Variants in NEGR1 observed in about 807,000 individuals in gnomAD.
The protein encoded by NEGR1 is neuronal growth regulator 1, also known as IgLON family member 4.
A neutral mutation model predicts 40.9 loss-of-function variants in NEGR1; 10 were observed. That is an observed-to-expected ratio of 0.24 (90% CI 0.15 to 0.42). The LOEUF (loss-of-function observed/expected upper bound fraction) is 0.42, where lower values mean the gene tolerates loss of function less well. Among genes scored for constraint, NEGR1 ranks in the 10% least tolerant of loss-of-function variants. The probability of loss-of-function intolerance (pLI) is 1.00; values close to 1 mark genes in which losing one functional copy is unlikely to be tolerated. For missense variants in NEGR1, 352 were observed against 438.9 expected (o/e 0.80, Z 1.77); for synonymous variants, 185 against 166.8 (o/e 1.11, Z -0.84).
At chr1:71,788,675 G>A (rs1656998755) in intron 2 of NEGR1, among the ~76,000 whole-genome samples, 1 of 150,986 alleles carries the variant, frequency 6.6e-6, no homozygotes, top group Non-Finnish European at 1.5e-5. Flanking sequence ...TTGAATACAA[G>A]CATGTGTGTG....
At chr1:71,781,860 T>G (rs1656728899) in intron 2 of NEGR1, among the ~76,000 whole-genome samples, 1 of 152,102 alleles carries the variant, frequency 6.6e-6, no homozygotes, top group South Asian at 2.1e-4. Context: ...AAATAAGAAG[T>G]AAAATAAAAG....
chr1:71,934,648 C>A (rs971429974), intron 2 of NEGR1, among the ~76,000 whole-genome samples: 4 of 151,970 alleles, frequency 2.6e-5, no homozygotes, highest in African/African-American at 9.7e-5. Flanking sequence ...ATCATGGGCT[C>A]CCAAAGATTT....
At chr1:72,155,971 G>A (rs142527872) in intron 1 of NEGR1, among the ~76,000 whole-genome samples, 3 of 152,164 alleles carry the variant, frequency 2.0e-5, no homozygotes, top group African/African-American at 7.2e-5. Context: ...GAAACAGGGT[G>A]GTCTGCAACA....
At chr1:71,638,174 AG>A (rs1345947655) in intron 4 of NEGR1, among the ~76,000 whole-genome samples, 3 of 151,972 alleles carry the variant, frequency 2.0e-5, no homozygotes, top group African/African-American at 7.2e-5. Context: ...TTAATCTTAG[AG>A]AAAATATTAT....
At chr1:72,134,207 T>A (rs1276379887) in intron 1 of NEGR1, among the ~76,000 whole-genome samples, 1 of 151,346 alleles carries the variant, frequency 6.6e-6, no homozygotes, top group Non-Finnish European at 1.5e-5. Context: ...AATACGTTTT[T>A]TTTTTCTTTT....
intron 1 of NEGR1, among the ~76,000 whole-genome samples, chr1:72,016,843 T>A (rs987096536): frequency 3.3e-5 from 5 of 152,204 alleles, no homozygotes; most frequent in Non-Finnish European, 7.4e-5. Context: ...TCCAGTTAAT[T>A]ACAATTTCTG....
chr1:71,554,797 G>A (rs530032362), intron 6 of NEGR1, among the ~76,000 whole-genome samples: 1 of 151,380 alleles, frequency 6.6e-6, no homozygotes, highest in Non-Finnish European at 1.5e-5. Flanking sequence ...TCACCAATTA[G>A]GTTGCTGGAA....
intron 2 of NEGR1, among the ~76,000 whole-genome samples, chr1:71,820,959 C>G (rs775533415): frequency 6.6e-6 from 1 of 151,952 alleles, no homozygotes; most frequent in South Asian, 2.1e-4. Context: ...GAAATAGTCC[C>G]TTTTTGCATC....
intron 1 of NEGR1, among the ~76,000 whole-genome samples, chr1:71,995,990 T>G (rs1199581110): frequency 6.6e-6 from 1 of 152,154 alleles, no homozygotes; most frequent in Admixed American, 6.5e-5. Context: ...GATATCTATT[T>G]ACGTACAATT....
At chr1:71,788,351 G>T (rs1656987195) in intron 2 of NEGR1, among the ~76,000 whole-genome samples, 1 of 151,714 alleles carries the variant, frequency 6.6e-6, no homozygotes, top group South Asian at 2.1e-4. Flanking sequence ...CAATATCAAA[G>T]AAATTGCTTT....
chr1:71,773,805 T>C (rs1217836348), intron 3 of NEGR1, among the ~76,000 whole-genome samples: 1 of 152,174 alleles, frequency 6.6e-6, no homozygotes, highest in African/African-American at 2.4e-5. Flanking sequence ...CCAATCTGTC[T>C]TCTTTCAGTT....
chr1:72,136,269 T>A (rs1321469700), intron 1 of NEGR1, among the ~76,000 whole-genome samples: 1 of 152,036 alleles, frequency 6.6e-6, no homozygotes, highest in Non-Finnish European at 1.5e-5. Context: ...AGTGAAAAGA[T>A]ATAGAGGATA....
At chr1:71,689,657 G>T (rs920023658) in intron 4 of NEGR1, among the ~76,000 whole-genome samples, 2 of 151,902 alleles carry the variant, frequency 1.3e-5, no homozygotes, top group Non-Finnish European at 2.9e-5. Flanking sequence ...TTTCCAAGGT[G>T]ACTGAATAAA....
At chr1:72,001,131 T>C (rs1003091699) in intron 1 of NEGR1, among the ~76,000 whole-genome samples, 1 of 152,114 alleles carries the variant, frequency 6.6e-6, no homozygotes, top group Admixed American at 6.6e-5. Context: ...AAATTCGTGA[T>C]TTATGCAAAT....
At chr1:72,242,202 C>T (rs1654767088) in intron 1 of NEGR1, among the ~76,000 whole-genome samples, 1 of 151,618 alleles carries the variant, frequency 6.6e-6, no homozygotes, top group Non-Finnish European at 1.5e-5. Context: ...TTATTATCCT[C>T]TTGAATATCA....
intron 6 of NEGR1, among the ~76,000 whole-genome samples, chr1:71,577,882 C>T (rs1348629060): frequency 6.6e-6 from 1 of 152,126 alleles, no homozygotes; most frequent in African/African-American, 2.4e-5. Context: ...GATTCTGAAT[C>T]ACCATCAGCA....
At chr1:71,626,411 T>C (rs552615134) in intron 4 of NEGR1, among the ~76,000 whole-genome samples, 23 of 138,550 alleles carry the variant, frequency 1.7e-4, no homozygotes, top group African/African-American at 5.8e-4. Flanking sequence ...CCTTCCTATG[T>C]CCATGTATTC....
intron 6 of NEGR1, among the ~76,000 whole-genome samples, chr1:71,534,510 A>G (rs1647454934): frequency 6.6e-6 from 1 of 151,680 alleles, no homozygotes; most frequent in South Asian, 2.1e-4. Context: ...GAAAGAATAT[A>G]CTTTTGAAGA....
intron 2 of NEGR1, among the ~76,000 whole-genome samples, chr1:71,906,398 G>A (rs1274426236): frequency 7.0e-6 from 1 of 143,678 alleles, no homozygotes. Context: ...AAATAAAACA[G>A]AATAAAATAC....
Sources: gnomAD v4.1 joint callset for allele counts (sites outside exome capture counted in the v4.1 genomes callset) on GRCh38, gnomAD v4.1.1 for gene constraint, MANE v1.5 for transcripts, NCBI Gene and HGNC (gene_info 2026-07-23, HGNC 2026-07-21) for gene names.